The following HMGB2 variants were observed in gnomAD, a reference collection of about 807,000 sequenced individuals.
The protein encoded by HMGB2 is high mobility group box 2, also known as high mobility group protein B2.
A neutral mutation model predicts 23.0 loss-of-function variants in HMGB2; 2 were observed. The ratio of observed to expected loss-of-function variants is 0.09; its 90% CI spans 0.04 to 0.27. The LOEUF is 0.27. Among genes scored for constraint, HMGB2 ranks in the 10% least tolerant of loss-of-function variants. HMGB2 has a pLI of 1.00. For missense variants in HMGB2, 178 were observed against 256.5 expected (o/e 0.69, Z 2.09); for synonymous variants, 99 against 87.5 (o/e 1.13, Z -0.73).
rs1553961371 is a variant in HMGB2, at chr4:173,331,407, T to TAC, written c.*671_*672dup. On this transcript the variant is annotated 3_prime_UTR_variant, in exon 5 of 5. Coordinates refer to ENST00000296503, the MANE Select transcript of HMGB2 (RefSeq NM_002129.4). ...ATATATATATATATGTATATATATA[T>TAC]ACACACACCTGAGGAACAATTTAGC... Among the ~76,000 whole-genome samples, 1 of 147,184 alleles carries TAC rather than the reference T, an allele frequency of 6.8e-6. No homozygotes were observed. The highest frequency in any genetic ancestry group is 2.5e-5 in the African/African-American group (1 of 40,104).
chr4:173,331,983 G>A lies in HMGB2; in HGVS notation c.*97C>T, dbSNP rs1035340626. On this transcript the variant is annotated 3_prime_UTR_variant, in exon 5 of 5. Transcript: ENST00000296503. The stretch of plus-strand genomic sequence containing the variant: ...CAAAAATCTGTACAGTTTTTATACT[G>A]AAGCTAGTATTGAGCTGCACTTGAA... 4.6e-6 allele frequency: 7 copies of A among 1,534,356 alleles called. No individual in the cohort carries two copies. Among genetic ancestry groups the A allele is most frequent in the African/African-American group, 4.2e-5 (3 of 72,034 alleles).
In HMGB2 at chr4:173,333,506, T is replaced by A. The variant is rs199598245; in HGVS notation, c.144A>T (p.Arg48Ser). The change falls in exon 2 of 5, where the codon AGA (arginine) becomes AGT (serine). Residue 48 changes from arginine to serine, a missense_variant. By Grantham distance (110) the Arg-to-Ser change is moderately radical. Around this residue, in one of 3 missense-constraint regions of HMGB2, gnomAD observed 90 missense variants for 114.4 expected, o/e 0.79. Coordinates refer to ENST00000296503, the MANE Select transcript of HMGB2 (RefSeq NM_002129.4). The surrounding 1 kb of genome is among the most constrained non-coding windows in gnomAD (Gnocchi z 4.6). ...CGTCCCTCTCCTGCCTCACCTTCCATCTCTCCGAACACTTCTTGGAGAATT... is the reference window on the plus strand; with the variant it reads ...CGTCCCTCTCCTGCCTCACCTTCCAACTCTCCGAACACTTCTTGGAGAATT... ...FAEFSKKCSERWKTMSAKEKS... is the reference protein window; with the variant it reads ...FAEFSKKCSESWKTMSAKEKS... 1 of 1,613,196 alleles carries A rather than the reference T, an allele frequency of 6.2e-7. No homozygotes were observed. The highest frequency in any genetic ancestry group is 1.1e-5 in the South Asian group (1 of 90,962).
chr4:173,333,655 C>T lies in HMGB2; in HGVS notation c.-6G>A. 1.2e-6 allele frequency: 2 copies of T among 1,605,322 alleles called. No individual in the cohort carries two copies. The highest frequency in any genetic ancestry group is 1.7e-6 in the Non-Finnish European group (2 of 1,175,198). On this transcript the variant is annotated 5_prime_UTR_variant, in exon 2 of 5. Coordinates refer to ENST00000296503, the MANE Select transcript of HMGB2 (RefSeq NM_002129.4). The surrounding 1 kb of genome is among the most constrained non-coding windows in gnomAD (Gnocchi z 4.6). The stretch of plus-strand genomic sequence containing the variant: ...TTGGGGTCTCCTTTACCCATGTTGA[C>T]AGATCCGCGTCCACCTGACGGGGCC...
At chr4:173,334,203 G>A (rs1283416268) in intron 1 of HMGB2, 69 bp downstream of exon 1, 3 of 152,384 alleles carry the variant, frequency 2.0e-5, no homozygotes, top group Non-Finnish European at 2.9e-5. Flanking sequence ...CGCCGAGACC[G>A]AGTAGAGGCT....
rs1017928982 is a variant in HMGB2, at chr4:173,333,846, C to T, written c.-20-177G>A. 2.5e-4 allele frequency among the ~76,000 whole-genome samples: 38 copies of T among 151,666 alleles called. No homozygotes were observed. Among genetic ancestry groups the T allele is most frequent in the African/African-American group, 8.9e-4 (37 of 41,370 alleles). ...GGCCGCCCGCGCCCCCGCCCGCGCC[C>T]CGGCGCACACCCTCCTCCTCCTCCT... On this transcript the variant is annotated intron_variant, in intron 1 of 4. Transcript: ENST00000296503. The surrounding 1 kb of genome is among the most constrained non-coding windows in gnomAD (Gnocchi z 4.6).
In HMGB2 at chr4:173,331,850, C is replaced by T. The variant is rs1252739427; in HGVS notation, c.*230G>A. The stretch of plus-strand genomic sequence containing the variant: ...AAAAAAACCATTAAATATTTAGGAA[C>T]ATTCAACATCAGAAGCTGTAAAATC... On this transcript the variant is annotated 3_prime_UTR_variant, in exon 5 of 5. Transcript: ENST00000296503. 1 of 475,928 alleles carries T rather than the reference C, an allele frequency of 2.1e-6. No individual in the cohort carries two copies. The highest frequency in any genetic ancestry group is 2.0e-5 in the African/African-American group (1 of 49,310). The allele number at this position is 475,928 out of a possible 1,614,324, so 29.5% of individuals were successfully genotyped here.
At position 173,332,030 on chromosome 4, in the gene HMGB2, TTGCC is replaced by T. The variant is rs1413035488; in HGVS notation, c.*46_*49del. 5 of 1,605,790 alleles carry T rather than the reference TTGCC, an allele frequency of 3.1e-6. No individual in the cohort carries two copies. Among genetic ancestry groups the T allele is most frequent in the African/African-American group, 2.7e-5 (2 of 74,654 alleles). ...TGAATTCACATTCTTAGCAAAATAA[TTGCC>T]TGAGCACACACACACATTCCACACG... On this transcript the variant is annotated 3_prime_UTR_variant, in exon 5 of 5. Coordinates refer to ENST00000296503, the MANE Select transcript of HMGB2 (RefSeq NM_002129.4).
Position 173,333,557 on chromosome 4 carries a change from G to T in HMGB2, c.93C>A (p.His31Gln). ...QTCREEHKKK[H>Q]PDSSVNFAEF... is the part of the protein sequence containing the mutation. Reference sequence around the variant, plus strand: ...CCGCGAAATTGACGGAAGAGTCCGGGTGTTTCTTCTTGTGCTCTTCCCGGC... The same window carrying T: ...CCGCGAAATTGACGGAAGAGTCCGGTTGTTTCTTCTTGTGCTCTTCCCGGC... Residue 31 changes from histidine to glutamine, a missense_variant, in exon 2 of 5, where the codon CAC (histidine) becomes CAA (glutamine). His to Gln is a conservative substitution (Grantham distance 24, BLOSUM62 0). This residue lies in a region of HMGB2 where 90 missense variants were observed against 114.4 expected (regional missense o/e 0.79). Coordinates refer to ENST00000296503, the MANE Select transcript of HMGB2 (RefSeq NM_002129.4). The surrounding 1 kb of genome is among the most constrained non-coding windows in gnomAD (Gnocchi z 4.6). 2 of 1,614,202 alleles carry T rather than the reference G, an allele frequency of 1.2e-6. No homozygotes were observed. The highest frequency in any genetic ancestry group is 1.7e-6 in the Non-Finnish European group (2 of 1,180,020).
rs1738111959 is a variant in HMGB2 at position 173,332,071 on chromosome 4, G to A, written c.*9C>T. On this transcript the variant is annotated 3_prime_UTR_variant, in exon 5 of 5. Transcript: ENST00000296503. ...ACACATTCCACACGCATCATTAAAG[G>A]ATAGCCATTTATTCTTCATCTTCAT... is the stretch of plus-strand genomic sequence containing the variant. 7 of 1,613,568 alleles carry A rather than the reference G, an allele frequency of 4.3e-6. No homozygotes were observed. Among genetic ancestry groups the A allele is most frequent in the Non-Finnish European group, 5.9e-6 (7 of 1,179,848 alleles).
Position 173,333,554 on chromosome 4 carries a change from C to T in HMGB2, c.96G>A (p.Pro32=), listed in dbSNP as rs767470235. The part of the protein sequence containing the change: ...TCREEHKKKH[P]DSSVNFAEFS... ...ATTCCGCGAAATTGACGGAAGAGTC[C>T]GGGTGTTTCTTCTTGTGCTCTTCCC... Residue 32 remains proline (P), a synonymous_variant, in exon 2 of 5, where the codon CCG becomes CCA. Transcript: ENST00000296503. The surrounding 1 kb of genome is among the most constrained non-coding windows in gnomAD (Gnocchi z 4.6). The T allele has an allele frequency of 1.9e-6, 3 of 1,614,156 alleles. No homozygotes were observed. The highest frequency in any genetic ancestry group is 2.5e-6 in the Non-Finnish European group (3 of 1,180,008).
At chr4:173,332,313 C>A (rs1738122739) in intron 4 of HMGB2, 75 bp from the exon 5 acceptor site, 1 of 1,150,058 alleles carries the variant, frequency 8.7e-7, no homozygotes, top group Non-Finnish European at 1.2e-6. Flanking sequence ...TGTAAACAAT[C>A]TAAGATGATT....
Position 173,331,522 on chromosome 4 carries a change from T to C in HMGB2, c.*558A>G, listed in dbSNP as rs994655562. Among the ~76,000 whole-genome samples the C allele has an allele frequency of 6.6e-6, 1 of 151,468 alleles. No individual in the cohort carries two copies. The highest frequency in any genetic ancestry group is 2.4e-5 in the African/African-American group (1 of 41,290). ...TTCACTGAGTTCAACATGTAACTTT[T>C]AAAGAACATTTTGCAAATATGAGCA... On this transcript the variant is annotated 3_prime_UTR_variant, in exon 5 of 5. Transcript: ENST00000296503.
Position 173,333,309 on chromosome 4 carries a change from T to A in HMGB2, c.151-95A>T. On this transcript the variant is annotated intron_variant, in intron 2 of 4. Coordinates refer to ENST00000296503, the MANE Select transcript of HMGB2 (RefSeq NM_002129.4). This position sits in a 1 kb window ranked among gnomAD's most constrained non-coding sequence, Gnocchi z 4.6. ...TCATCTTTAAGGACCACATTTTCCT[T>A]AACAGCATTTTGCTTTCGAAGTCTT... 1 of 1,440,780 alleles carries A rather than the reference T, an allele frequency of 6.9e-7. No individual in the cohort carries two copies. The highest frequency in any genetic ancestry group is 9.4e-7 in the Non-Finnish European group (1 of 1,061,852). 89.2% of individuals were successfully genotyped at this position (1,440,780 alleles called of 1,614,324 possible).
Position 173,333,371 on chromosome 4 carries a change from CTT to C in HMGB2, c.150+127_150+128del, listed in dbSNP as rs1386764915. The C allele has an allele frequency of 1.4e-5, 20 of 1,384,218 alleles. No homozygotes were observed. In the Admixed American group the frequency reaches 2.7e-4, roughly 19 times the overall value. The allele number at this position is 1,384,218 out of a possible 1,614,324, so 85.7% of individuals were successfully genotyped here. A position where few individuals can be genotyped will look rare whatever the true frequency, so the allele number is the denominator to read the frequency against. ...AACCTAAAATCGTCTGCCTGGAACT[CTT>C]AAGATATTCAGGTGAGTCACTGGGG... On this transcript the variant is annotated intron_variant, in intron 2 of 4. Transcript: ENST00000296503. The surrounding 1 kb of genome is among the most constrained non-coding windows in gnomAD (Gnocchi z 4.6).
Position 173,333,041 on chromosome 4 carries a change from G to A in HMGB2, c.296+28C>T, listed in dbSNP as rs771223868. 12 of 1,612,116 alleles carry A rather than the reference G, an allele frequency of 7.4e-6. No individual in the cohort carries two copies. The highest frequency in any genetic ancestry group is 3.3e-5 in the Admixed American group (2 of 59,776). On this transcript the variant is annotated intron_variant, in intron 3 of 4. Transcript: ENST00000296503. This position sits in a 1 kb window ranked among gnomAD's most constrained non-coding sequence, Gnocchi z 4.6. Reference sequence around the variant, plus strand: ...TTAATAAACTGAAGGAAAAATCCAAGGAGCAATTTGGGTTATTTTAAACTT... The same window carrying A: ...TTAATAAACTGAAGGAAAAATCCAAAGAGCAATTTGGGTTATTTTAAACTT...
At position 173,332,167 on chromosome 4, in the gene HMGB2, T is replaced by C. The variant is rs764105334; in HGVS notation, c.543A>G (p.Ser181=). 9 of 1,613,822 alleles carry C rather than the reference T, an allele frequency of 5.6e-6. No individual in the cohort carries two copies. Among genetic ancestry groups the C allele is most frequent in the Non-Finnish European group, 7.6e-6 (9 of 1,179,788 alleles). The part of the protein sequence containing the change: ...GKKGPGRPTG[S]KKKNEPEDEE... ...CATCTTCTGGTTCGTTCTTCTTCTTTGAGCCTGTTGGCCTGCCAGGGCCCT... is the reference window on the plus strand; with the variant it reads ...CATCTTCTGGTTCGTTCTTCTTCTTCGAGCCTGTTGGCCTGCCAGGGCCCT... The change falls in exon 5 of 5, where the codon TCA becomes TCG. Residue 181 remains serine, a synonymous_variant. Coordinates refer to ENST00000296503, the MANE Select transcript of HMGB2 (RefSeq NM_002129.4).
Position 173,333,232 on chromosome 4 carries a change from G to C in HMGB2, c.151-18C>G. 1 of 1,602,586 alleles carries C rather than the reference G, an allele frequency of 6.2e-7. No homozygotes were observed. Among genetic ancestry groups the C allele is most frequent in the Non-Finnish European group, 8.5e-7 (1 of 1,175,982 alleles). ...GACATGGTCTGTGGACATAAAATAA[G>C]AGCCAAAAATACAGCAAAATTGTTA... On this transcript the variant is annotated intron_variant, in intron 2 of 4. Coordinates refer to ENST00000296503, the MANE Select transcript of HMGB2 (RefSeq NM_002129.4). This position sits in a 1 kb window ranked among gnomAD's most constrained non-coding sequence, Gnocchi z 4.6.
Position 173,333,709 on chromosome 4 carries a change from G to C in HMGB2, c.-20-40C>G. On this transcript the variant is annotated intron_variant, in intron 1 of 4. Coordinates refer to ENST00000296503, the MANE Select transcript of HMGB2 (RefSeq NM_002129.4). This position sits in a 1 kb window ranked among gnomAD's most constrained non-coding sequence, Gnocchi z 4.6. ...GGGGGAGAGGGGAAGCCGGAGGGTC[G>C]GCGCGGAGCCCGCAGCTGCCAGGGC... 1 of 1,489,796 alleles carries C rather than the reference G, an allele frequency of 6.7e-7. No homozygotes were observed. Among genetic ancestry groups the C allele is most frequent in the Non-Finnish European group, 9.1e-7 (1 of 1,104,960 alleles). 92.3% of individuals were successfully genotyped at this position (1,489,796 alleles called of 1,614,324 possible). A position where few individuals can be genotyped will look rare whatever the true frequency, so the allele number is the denominator to read the frequency against.
rs1174449536 is a variant in HMGB2, at chr4:173,333,701, G to GCA, written c.-20-33_-20-32insTG. On this transcript the variant is annotated intron_variant, in intron 1 of 4. Coordinates refer to ENST00000296503, the MANE Select transcript of HMGB2 (RefSeq NM_002129.4). The surrounding 1 kb of genome is among the most constrained non-coding windows in gnomAD (Gnocchi z 4.6). ...GGGCCGAGGGGGGAGAGGGGAAGCC[G>GCA]GAGGGTCGGCGCGGAGCCCGCAGCT... The GCA allele has an allele frequency of 2.0e-6, 3 of 1,525,670 alleles. No individual in the cohort carries two copies. The highest frequency in any genetic ancestry group is 2.7e-6 in the Non-Finnish European group (3 of 1,127,958). The allele number at this position is 1,525,670 out of a possible 1,614,324, so 94.5% of individuals were successfully genotyped here. A position where few individuals can be genotyped will look rare whatever the true frequency, so the allele number is the denominator to read the frequency against.
Sources: allele counts gnomAD v4.1 joint callset (sites outside exome capture counted in the v4.1 genomes callset), GRCh38; gene constraint gnomAD v4.1.1; regional missense constraint gnomAD v4.1.1; non-coding constraint Gnocchi (gnomAD v3.1); transcripts MANE v1.5; gene names NCBI Gene and HGNC (gene_info 2026-07-23, HGNC 2026-07-21).